Variants in GSTT4 observed in about 807,000 individuals in gnomAD.
GSTT4 encodes glutathione S-transferase theta 4, also known as glutathione S-transferase theta-4.
intron 2 of GSTT4, among the ~76,000 whole-genome samples, chr22:24,001,943 A>G (rs2034239142): frequency 1.3e-5 from 2 of 152,276 alleles, no homozygotes; most frequent in South Asian, 4.1e-4. Context: ...GTGAGCCAAG[A>G]TTGTGCCACT....
chr22:23,989,528 C>T, the GSTT4 span, among the ~76,000 whole-genome samples: 14 of 142,928 alleles, frequency 9.8e-5, no homozygotes, highest in Non-Finnish European at 2.0e-4. Context: ...AGGCTTGCCC[C>T]CTCTGATTCA....
the GSTT4 span, among the ~76,000 whole-genome samples, chr22:23,993,004 C>T: frequency 8.5e-5 from 13 of 152,262 alleles, no homozygotes; most frequent in East Asian, 2.3e-3. Context: ...AATTCCTTGG[C>T]TCAAGTGATC....
At chr22:23,990,417 C>A in the GSTT4 span, among the ~76,000 whole-genome samples, 1 of 80,632 alleles carries the variant, frequency 1.2e-5, no homozygotes, top group East Asian at 2.8e-4. Flanking sequence ...CAAGGTCAGC[C>A]TGGTCTACAT....
downstream of GSTT4, among the ~76,000 whole-genome samples, chr22:23,996,438 C>T (rs138362277): frequency 6.7e-3 from 1,010 of 149,972 alleles, no homozygotes; most frequent in Non-Finnish European, 0.012. Flanking sequence ...AGGGGGGAAA[C>T]GCTTGATCTT....
the GSTT4 span, among the ~76,000 whole-genome samples, chr22:23,992,052 C>CA: frequency 0.05 from 3,582 of 71,176 alleles, 74 homozygotes; most frequent in African/African-American, 0.08. Context: ...TACTCCGTCT[C>CA]AAAAAAAAAA....
At chr22:24,003,294 C>T (rs937778845) in intron 2 of GSTT4, among the ~76,000 whole-genome samples, 1 of 135,906 alleles carries the variant, frequency 7.4e-6, no homozygotes, top group African/African-American at 2.6e-5. Context: ...TCACTGCATC[C>T]TCTGCCTCCT....
the GSTT4 span, among the ~76,000 whole-genome samples, chr22:23,992,693 G>C: frequency 0.052 from 4,338 of 83,188 alleles, no homozygotes; most frequent in Middle Eastern, 0.072. Context: ...GGCACTGTCT[G>C]CTCTGGGCAG....
chr22:23,992,211 C>T, the GSTT4 span, among the ~76,000 whole-genome samples: 5 of 140,404 alleles, frequency 3.6e-5, no homozygotes, highest in Non-Finnish European at 6.2e-5. Context: ...TGAGCTGTCC[C>T]TCCCCAGTTG....
intron 2 of GSTT4, among the ~76,000 whole-genome samples, chr22:24,002,010 A>G (rs1436369731): frequency 6.6e-6 from 1 of 152,226 alleles, no homozygotes; most frequent in Non-Finnish European, 1.5e-5. Flanking sequence ...ACAAAGAAAA[A>G]CACATGCTGA....
the GSTT4 span, among the ~76,000 whole-genome samples, chr22:23,989,904 A>G: frequency 6.6e-6 from 1 of 150,630 alleles, no homozygotes; most frequent in Non-Finnish European, 1.5e-5. Context: ...GGACATGCAC[A>G]CCCCTGCCCA....
downstream of GSTT4, among the ~76,000 whole-genome samples, chr22:23,996,094 C>T (rs537854219): frequency 2.6e-3 from 397 of 152,132 alleles, 4 homozygotes; most frequent in African/African-American, 9.2e-3. Flanking sequence ...CAGGCATGCG[C>T]CACCACGCCC....
At chr22:23,994,928 G>A (rs1253061243), downstream of GSTT4, among the ~76,000 whole-genome samples, 1 of 152,074 alleles carries the variant, frequency 6.6e-6, no homozygotes, top group African/African-American at 2.4e-5. Context: ...TCATCAGGGT[G>A]GTTGTGAGGA....
intron 2 of GSTT4, among the ~76,000 whole-genome samples, chr22:24,001,656 C>A (rs1328168431): frequency 6.6e-6 from 1 of 152,270 alleles, no homozygotes; most frequent in East Asian, 1.9e-4. Context: ...CACACCACTG[C>A]ACTCCAGCTT....
intron 3 of GSTT4, among the ~76,000 whole-genome samples, chr22:24,000,603 G>T (rs1280103352): frequency 1.4e-5 from 2 of 142,350 alleles, no homozygotes; most frequent in Non-Finnish European, 3.0e-5. Context: ...CTGTCGCCCA[G>T]GCTGGAGTGC....
chr22:24,002,133 A>C (rs995695896), intron 2 of GSTT4, among the ~76,000 whole-genome samples: 3 of 152,284 alleles, frequency 2.0e-5, no homozygotes, highest in Non-Finnish European at 2.9e-5. Context: ...GACACTGTGG[A>C]GTCCACGTAG....
intron 2 of GSTT4, among the ~76,000 whole-genome samples, chr22:24,002,818 G>C (rs1229182775): frequency 3.1e-4 from 9 of 28,780 alleles, no homozygotes; most frequent in East Asian, 1.6e-3. Flanking sequence ...GCAACAGAGC[G>C]AGACTCCGTC....
chr22:23,991,235 T>C, the GSTT4 span: 1 of 107,726 alleles, frequency 9.3e-6, no homozygotes, highest in Non-Finnish European at 2.2e-5. Flanking sequence ...CCGGAGAGTC[T>C]GATTCTTCGT....
intron 2 of GSTT4, among the ~76,000 whole-genome samples, chr22:24,003,288 T>C (rs926739127): frequency 1.2e-5 from 1 of 82,214 alleles, no homozygotes; most frequent in African/African-American, 3.4e-5. Flanking sequence ...CTTGGCTCAC[T>C]GCATCCTCTG....
At chr22:23,994,156 C>T, downstream of GSTT4, among the ~76,000 whole-genome samples, 1 of 149,510 alleles carries the variant, frequency 6.7e-6, no homozygotes, top group East Asian at 1.9e-4. Flanking sequence ...TAAAAAAGAG[C>T]CACAATTTAT....
Sources: gnomAD v4.1 joint callset for allele counts (sites outside exome capture counted in the v4.1 genomes callset) on GRCh38, gnomAD v4.1.1 for gene constraint, MANE v1.5 for transcripts, NCBI Gene and HGNC (gene_info 2026-07-23, HGNC 2026-07-21) for gene names.